PLEKHA5: variants seen among roughly 807,000 people sequenced by gnomAD.
The protein encoded by PLEKHA5 is pleckstrin homology domain containing A5.
In PLEKHA5, 55 loss-of-function variants were observed where a neutral mutation model predicts 181.9. That is an observed-to-expected ratio of 0.30 (90% CI 0.24 to 0.38). The LOEUF (loss-of-function observed/expected upper bound fraction) is 0.38. Ranked by LOEUF, PLEKHA5 falls within the 10% of genes least tolerant of loss-of-function variation. The probability of loss-of-function intolerance (pLI) is 1.00; values close to 1 mark genes in which losing one functional copy is unlikely to be tolerated. For synonymous variants in PLEKHA5, 535 were observed against 529.4 expected (o/e 1.01, Z -0.15); for missense variants, 1,432 against 1,549.5 (o/e 0.92, Z 1.27).
chr12:19,139,749 T>C (rs1161714694), intron 3 of PLEKHA5, among the ~76,000 whole-genome samples: 1 of 152,220 alleles, frequency 6.6e-6, no homozygotes, highest in Non-Finnish European at 1.5e-5. Flanking sequence ...GGGAGAGGCA[T>C]TTCTCACAGT....
chr12:19,217,950 A>G (rs1272287188), intron 3 of PLEKHA5, among the ~76,000 whole-genome samples: 1 of 152,214 alleles, frequency 6.6e-6, no homozygotes, highest in African/African-American at 2.4e-5. Flanking sequence ...ATCCCAAAAT[A>G]CAGTGTTTAA....
At chr12:19,159,682 TA>T (rs1348566598) in intron 3 of PLEKHA5, among the ~76,000 whole-genome samples, 1 of 152,192 alleles carries the variant, frequency 6.6e-6, no homozygotes, top group Non-Finnish European at 1.5e-5. Flanking sequence ...ATTAAATGTT[TA>T]AATTCTCATA....
chr12:19,297,805 C>T (rs2080293774), intron 15 of PLEKHA5, among the ~76,000 whole-genome samples: 1 of 149,376 alleles, frequency 6.7e-6, no homozygotes. Flanking sequence ...TTTGGAGATC[C>T]AGTAGACTGG....
chr12:19,246,898 C>A (rs1055777700), intron 3 of PLEKHA5, among the ~76,000 whole-genome samples: 13 of 151,990 alleles, frequency 8.6e-5, no homozygotes, highest in Admixed American at 7.2e-4. Context: ...GAAATAGGCC[C>A]CTCACTTTTA....
chr12:19,214,611 A>G (rs902699806), intron 3 of PLEKHA5, among the ~76,000 whole-genome samples: 1 of 152,246 alleles, frequency 6.6e-6, no homozygotes, highest in Non-Finnish European at 1.5e-5. Flanking sequence ...ATCCAGCGAC[A>G]TATGATGGAG....
chr12:19,166,617 A>G (rs925875195), intron 3 of PLEKHA5, among the ~76,000 whole-genome samples: 2 of 152,144 alleles, frequency 1.3e-5, no homozygotes, highest in African/African-American at 2.4e-5. Flanking sequence ...TGCCAGCTCT[A>G]AGTTCCAGAT....
At chr12:19,274,328 T>C (rs1223455793) in intron 10 of PLEKHA5, among the ~76,000 whole-genome samples, 188 bp from the exon 11 acceptor site, 1 of 152,242 alleles carries the variant, frequency 6.6e-6, no homozygotes, top group Non-Finnish European at 1.5e-5. Flanking sequence ...TTTCTGTTTA[T>C]ACATTCTGGT....
chr12:19,297,942 A>C (rs918156982), intron 15 of PLEKHA5, among the ~76,000 whole-genome samples: 63 of 152,176 alleles, frequency 4.1e-4, no homozygotes, highest in African/African-American at 1.4e-3. Flanking sequence ...ACAGTGGCTC[A>C]CGCCTGTAAT....
chr12:19,174,548 C>T (rs967153151), intron 3 of PLEKHA5, among the ~76,000 whole-genome samples: 6 of 152,150 alleles, frequency 3.9e-5, no homozygotes, highest in African/African-American at 4.8e-5. Flanking sequence ...AAAAACATTG[C>T]GAGCTCTTAG....
chr12:19,257,526 C>G lies in PLEKHA5; in HGVS notation c.526C>G (p.Leu176Val). The G allele has an allele frequency of 6.4e-7, 1 of 1,560,314 alleles. No individual in the cohort carries two copies. Among genetic ancestry groups the G allele is most frequent in the Non-Finnish European group, 8.7e-7 (1 of 1,146,214 alleles). Residue 176 changes from leucine (L) to valine (V), a missense_variant, in exon 6 of 32, where the codon CTT becomes GTT. Physicochemically the swap from Leu to Val is conservative, Grantham distance 32 (BLOSUM62 1). Coordinates refer to ENST00000429027, the MANE Select transcript of PLEKHA5 (RefSeq NM_001256470.2). Reference protein sequence around the residue: ...PNAPVVRRGWLYKQDSTGMKL... With the variant: ...PNAPVVRRGWVYKQDSTGMKL... ...TGCACCGGTTGTCAGACGAGGTTGGCTTTATAAACAGGTATTTTTTTTTTT... is the reference window on the plus strand; with the variant it reads ...TGCACCGGTTGTCAGACGAGGTTGGGTTTATAAACAGGTATTTTTTTTTTT...
intron 3 of PLEKHA5, among the ~76,000 whole-genome samples, chr12:19,140,152 C>T (rs1010255303): frequency 6.6e-6 from 1 of 151,986 alleles, no homozygotes; most frequent in Non-Finnish European, 1.5e-5. Flanking sequence ...AAATTCTGCC[C>T]GTCTGGGGAG....
chr12:19,240,639 T>C (rs1426929406), intron 3 of PLEKHA5, among the ~76,000 whole-genome samples: 1 of 149,800 alleles, frequency 6.7e-6, no homozygotes, highest in East Asian at 1.9e-4. Context: ...ATTATTATTA[T>C]TATTATTTTT....
chr12:19,239,104 T>TTG (rs1178497267), intron 3 of PLEKHA5, among the ~76,000 whole-genome samples: 1 of 152,182 alleles, frequency 6.6e-6, no homozygotes, highest in Non-Finnish European at 1.5e-5. Flanking sequence ...GTACAAAACG[T>TTG]TGTATATATA....
intron 3 of PLEKHA5, among the ~76,000 whole-genome samples, chr12:19,244,423 C>G (rs1025244820): frequency 6.6e-6 from 1 of 152,156 alleles, no homozygotes; most frequent in Non-Finnish European, 1.5e-5. Flanking sequence ...CAGTAGCTTC[C>G]ATAGTTTCCA....
chr12:19,307,551 G>GA lies in PLEKHA5; in HGVS notation c.2038-7257dup, dbSNP rs1383783282. On this transcript the variant is annotated intron_variant, in intron 15 of 31. Coordinates refer to ENST00000429027, the MANE Select transcript of PLEKHA5 (RefSeq NM_001256470.2). ...TTCGGCTGCTATAGAACCAGAGAAAGAAAAAAGAAGGCATTCAAGATCACA... is the reference window on the plus strand; with the variant it reads ...TTCGGCTGCTATAGAACCAGAGAAAGAAAAAAAGAAGGCATTCAAGATCACA... 5 of 320,266 alleles carry GA rather than the reference G, an allele frequency of 1.6e-5. No individual in the cohort carries two copies. The East Asian group carries it at 4.5e-4, about 29-fold the overall frequency. The allele number at this position is 320,266 out of a possible 1,614,324, so 19.8% of individuals were successfully genotyped here. A position where few individuals can be genotyped will look rare whatever the true frequency, so the allele number is the denominator to read the frequency against.
At chr12:19,234,520 C>A (rs1217866500) in intron 3 of PLEKHA5, among the ~76,000 whole-genome samples, 5 of 152,142 alleles carry the variant, frequency 3.3e-5, no homozygotes, top group Non-Finnish European at 7.4e-5. Context: ...TGACTTGATG[C>A]CTCTTAGTAT....
At chr12:19,285,055 TA>T (rs2076939078) in intron 12 of PLEKHA5, among the ~76,000 whole-genome samples, 1 of 152,214 alleles carries the variant, frequency 6.6e-6, no homozygotes, top group Non-Finnish European at 1.5e-5. Flanking sequence ...TTTCCATAAA[TA>T]AGCATTTGTT....
At position 19,240,440 on chromosome 12, in the gene PLEKHA5, GTTTTTTT is replaced by G. The variant is rs199524525; in HGVS notation, c.228-13487_228-13481del. 3.1e-5 allele frequency among the ~76,000 whole-genome samples: 4 copies of G among 129,054 alleles called. 1 individual carries two copies. Among genetic ancestry groups the G allele is most frequent in the Non-Finnish European group, 6.7e-5 (4 of 60,010 alleles). 84.7% of individuals were successfully genotyped at this position (129,054 alleles called of 152,430 possible). ...ATTACAAATTAGCATTCATTAGGGA[GTTTTTTT>G]TTTTTTTTTTTTAAAGACAGGGTCT... On this transcript the variant is annotated intron_variant, in intron 3 of 31. Transcript: ENST00000429027.
chr12:19,339,371 T>G (rs948060086), intron 21 of PLEKHA5, among the ~76,000 whole-genome samples: 1 of 152,194 alleles, frequency 6.6e-6, no homozygotes, highest in African/African-American at 2.4e-5. Flanking sequence ...AAATTTGTTC[T>G]TAACTCACAG....
Sources: allele counts gnomAD v4.1 joint callset (sites outside exome capture counted in the v4.1 genomes callset), GRCh38; gene constraint gnomAD v4.1.1; transcripts MANE v1.5; gene names NCBI Gene and HGNC (gene_info 2026-07-23, HGNC 2026-07-21).